FAM184A: variants seen among roughly 807,000 people sequenced by gnomAD.
FAM184A encodes protein FAM184A.
A neutral mutation model predicts 143.8 loss-of-function variants in FAM184A; 99 were observed. The ratio of observed to expected loss-of-function variants is 0.69; its 90% confidence interval spans 0.58 to 0.81. The LOEUF is 0.81. FAM184A is among the 40% of genes least tolerant of loss of function. FAM184A has a pLI of 0.00. For synonymous variants in FAM184A, 427 were observed against 446.4 expected, an observed-to-expected ratio of 0.96 and a Z score of 0.55; for missense variants, 1,217 against 1,310.5, an observed-to-expected ratio of 0.93 and a Z score of 1.10.
intron 1 of FAM184A, among the ~76,000 whole-genome samples, chr6:119,136,146 C>T (rs541338755): frequency 0.02 from 2,977 of 149,864 alleles, 102 homozygotes; most frequent in African/African-American, 0.068. Flanking sequence ...GGCGCGGTGG[C>T]GGGCGCCTGT....
intron 1 of FAM184A, 105 bp from the exon 2 acceptor site, chr6:119,024,918 A>G: frequency 9.4e-7 from 1 of 1,068,134 alleles, no homozygotes. Context: ...TGCACATAAT[A>G]TTGGCTACAG....
At chr6:119,110,231 C>T (rs542092437) in intron 1 of FAM184A, among the ~76,000 whole-genome samples, 2 of 152,282 alleles carry the variant, frequency 1.3e-5, no homozygotes, top group Admixed American at 6.5e-5. Flanking sequence ...TTAACATGTG[C>T]GTTTATTTTC....
At position 119,106,379 on chromosome 6, in the gene FAM184A, C is replaced by T. The variant is rs372300546; in HGVS notation, c.-202+42699G>A. On this transcript the variant is annotated intron_variant, in intron 1 of 16. Transcript: ENST00000352896. ...CTGCACTCCAGGGTGGGCGACAGAG[C>T]GAGACTCCGTCTCAAAACAAACAAA... Among the ~76,000 whole-genome samples the T allele has an allele frequency of 2.9e-4, 44 of 152,184 alleles. 1 individual carries two copies. The highest frequency in any genetic ancestry group is 1.0e-3 in the African/African-American group (42 of 41,530).
intron 1 of FAM184A, among the ~76,000 whole-genome samples, chr6:119,091,374 C>T (rs758567386): frequency 1.6e-4 from 25 of 152,108 alleles, no homozygotes; most frequent in East Asian, 5.8e-4. Flanking sequence ...TGGCTCAATG[C>T]GTATATCACA....
In FAM184A at chr6:119,120,848, CTTTT is replaced by C. The variant is rs374951012; in HGVS notation, c.-202+28226_-202+28229del. Among the ~76,000 whole-genome samples, 19 of 98,268 alleles carry C rather than the reference CTTTT, an allele frequency of 1.9e-4. 1 individual carries two copies. The Admixed American group carries it at 2.0e-3, about 10-fold the overall frequency. 64.5% of individuals were successfully genotyped at this position (98,268 alleles called of 152,430 possible). On this transcript the variant is annotated intron_variant, in intron 1 of 16. Transcript: ENST00000352896. ...TCTTCCTTTCTTTCTTTCTTTCTTT[CTTTT>C]TTTTTTTTTTTAGGAGACAGGGTCT... is the stretch of plus-strand genomic sequence containing the variant.
intron 3 of FAM184A, among the ~76,000 whole-genome samples, 171 bp downstream of exon 3, chr6:119,022,774 A>G (rs1383329786): frequency 2.0e-5 from 3 of 152,040 alleles, no homozygotes; most frequent in Non-Finnish European, 4.4e-5. Flanking sequence ...CTACTCAGGA[A>G]GCTGAGGCAG....
chr6:118,966,404 G>A (rs1783501916), intron 15 of FAM184A, among the ~76,000 whole-genome samples: 1 of 152,052 alleles, frequency 6.6e-6, no homozygotes, highest in Non-Finnish European at 1.5e-5. Flanking sequence ...TTTTGGATTA[G>A]TGTTTGCTAG....
At chr6:118,990,720 CAA>C (rs112192720) in intron 9 of FAM184A, among the ~76,000 whole-genome samples, 3 of 129,720 alleles carry the variant, frequency 2.3e-5, no homozygotes, top group Admixed American at 7.8e-5. Context: ...ACAAAAAATA[CAA>C]AAAAAAAAAA....
intron 7 of FAM184A, chr6:119,006,171 C>A: frequency 1.3e-6 from 1 of 765,098 alleles, no homozygotes; most frequent in South Asian, 1.3e-5. Flanking sequence ...CTGGTGCTAC[C>A]AGAAGCTGGA....
chr6:119,004,649 C>CA (rs1784866852), intron 7 of FAM184A, among the ~76,000 whole-genome samples: 1 of 151,760 alleles, frequency 6.6e-6, no homozygotes, highest in African/African-American at 2.4e-5. Context: ...AAAGAGGTAC[C>CA]AAAAAAACAC....
At chr6:118,995,533 A>G (rs565216443) in intron 9 of FAM184A, among the ~76,000 whole-genome samples, 24 of 152,354 alleles carry the variant, frequency 1.6e-4, no homozygotes, top group African/African-American at 5.8e-4. Flanking sequence ...TAATATCTAG[A>G]GGAAAGCAAC....
At chr6:119,107,168 T>A (rs761946268) in intron 1 of FAM184A, among the ~76,000 whole-genome samples, 3 of 152,358 alleles carry the variant, frequency 2.0e-5, no homozygotes, top group Non-Finnish European at 4.4e-5. Context: ...CTACATGATT[T>A]CAGTCTGCCA....
In FAM184A at chr6:119,130,888, C is replaced by T. The variant is rs1389765973; in HGVS notation, c.-202+18190G>A. Among the ~76,000 whole-genome samples the T allele has an allele frequency of 6.8e-5, 10 of 146,422 alleles. No individual in the cohort carries two copies. In the East Asian group the frequency reaches 1.2e-3, roughly 17 times the overall value. ...TTTTTTTTTTTTTGAGATGGAGTCT[C>T]GCTCTGCACCTAGGCTAGAGTGCAG... On this transcript the variant is annotated intron_variant, in intron 1 of 16. Transcript: ENST00000352896.
intron 1 of FAM184A, among the ~76,000 whole-genome samples, chr6:119,049,774 G>A (rs2114743549): frequency 6.6e-6 from 1 of 152,312 alleles, no homozygotes; most frequent in African/African-American, 2.4e-5. Flanking sequence ...ACAGGAATGG[G>A]CAAAGGTTCC....
At chr6:119,010,182 T>C (rs1287923987) in intron 6 of FAM184A, among the ~76,000 whole-genome samples, 1 of 152,232 alleles carries the variant, frequency 6.6e-6, no homozygotes, top group Non-Finnish European at 1.5e-5. Flanking sequence ...TCTATACTTC[T>C]TCTACTATAA....
In FAM184A at chr6:118,979,373, G is replaced by A. The variant is rs1289535611; in HGVS notation, c.2447C>T (p.Ala816Val). The A allele has an allele frequency of 6.2e-7, 1 of 1,608,872 alleles. No homozygotes were observed. Among genetic ancestry groups the A allele is most frequent in the Admixed American group, 1.7e-5 (1 of 58,824 alleles). Reference sequence around the variant, plus strand: ...TAATCTTTTCAAAATACCAAGCATAGCCTTTCCTTCATCTTCTAATTCAAA... The same window carrying A: ...TAATCTTTTCAAAATACCAAGCATAACCTTTCCTTCATCTTCTAATTCAAA... ...LRFELEDEGKAMLASLRSELN... is the reference protein window; with the variant it reads ...LRFELEDEGKVMLASLRSELN... The change falls in exon 11 of 18, where the codon GCT becomes GTT. Residue 816 changes from alanine (A) to valine (V), a missense_variant. By Grantham distance (64) the Ala-to-Val change is moderately conservative (BLOSUM62 0). Coordinates refer to ENST00000338891, the MANE Select transcript of FAM184A (RefSeq NM_024581.6).
intron 3 of FAM184A, among the ~76,000 whole-genome samples, chr6:119,020,478 C>T (rs936976544): frequency 2.0e-5 from 3 of 151,804 alleles, no homozygotes; most frequent in Admixed American, 6.6e-5. Context: ...TTGAAGTAGG[C>T]GCAACTCCTC....
intron 6 of FAM184A, among the ~76,000 whole-genome samples, chr6:119,010,624 T>C (rs1017293530): frequency 2.6e-5 from 4 of 152,180 alleles, no homozygotes; most frequent in Non-Finnish European, 4.4e-5. Flanking sequence ...CTCTCCCAGT[T>C]TTTCCTCTTT....
At chr6:119,149,005 CTAAA>C (rs1001962582) in intron 1 of FAM184A, 1 of 152,126 alleles carries the variant, frequency 6.6e-6, no homozygotes, top group Non-Finnish European at 1.5e-5. Context: ...CATTTCTGTT[CTAAA>C]TAGTCTGCCG....
Sources: gnomAD v4.1 joint callset for allele counts (sites outside exome capture counted in the v4.1 genomes callset) on GRCh38, gnomAD v4.1.1 for gene constraint, MANE v1.5 for transcripts, NCBI Gene and HGNC (gene_info 2026-07-23, HGNC 2026-07-21) for gene names.